The following SNX29 variants were observed in gnomAD, a reference collection of about 807,000 sequenced individuals.
The protein encoded by SNX29 is sorting nexin 29.
A neutral mutation model predicts 102.1 loss-of-function variants in SNX29; 78 were observed. The observed-to-expected ratio is 0.76, with a 90% CI of 0.64 to 0.92. The LOEUF (loss-of-function observed/expected upper bound fraction) is 0.92, where lower values mean the gene tolerates loss of function less well. Ranked by LOEUF, SNX29 falls within the 40% of genes least tolerant of loss-of-function variation. The pLI, the probability that SNX29 is intolerant of heterozygous loss-of-function variation, is 0.00. For missense variants in SNX29, 1,280 were observed against 1,061.7 expected (o/e 1.21, Z -2.86); for synonymous variants, 580 against 414.5 (o/e 1.40, Z -4.85).
chr16:12,253,545 C>T (rs963591326), intron 14 of SNX29, among the ~76,000 whole-genome samples: 9 of 152,070 alleles, frequency 5.9e-5, no homozygotes, highest in Admixed American at 2.6e-4. Context: ...AAGGCGTTGC[C>T]TGAGCACAGA....
intron 18 of SNX29, among the ~76,000 whole-genome samples, chr16:12,455,561 C>T: frequency 6.6e-6 from 1 of 152,238 alleles, no homozygotes; most frequent in East Asian, 1.9e-4. Flanking sequence ...ATCCCGGGAC[C>T]TACCTGTTTC....
chr16:12,484,899 G>A (rs574184116), intron 19 of SNX29, among the ~76,000 whole-genome samples: 1 of 152,274 alleles, frequency 6.6e-6, no homozygotes, highest in East Asian at 1.9e-4. Flanking sequence ...GCACCAGCAT[G>A]GAAGCTCATG....
At chr16:12,295,277 G>A (rs377075163) in intron 15 of SNX29, among the ~76,000 whole-genome samples, 1 of 152,162 alleles carries the variant, frequency 6.6e-6, no homozygotes, top group Non-Finnish European at 1.5e-5. Flanking sequence ...CGGGGTCACC[G>A]GTTCCCTTTA....
chr16:12,463,847 T>TGTGTGTGG (rs1222072331), intron 18 of SNX29, among the ~76,000 whole-genome samples: 280 of 149,792 alleles, frequency 1.9e-3, no homozygotes, highest in Non-Finnish European at 3.2e-3. Context: ...TGTGTGTGTG[T>TGTGTGTGG]GTGTGTGAGA....
chr16:12,061,096 C>T (rs867502396), intron 8 of SNX29, among the ~76,000 whole-genome samples: 1 of 152,198 alleles, frequency 6.6e-6, no homozygotes. Flanking sequence ...GTGGCTTGGG[C>T]TTCCTCCAGC....
At chr16:12,166,644 T>C (rs1246443318) in intron 13 of SNX29, among the ~76,000 whole-genome samples, 2 of 152,174 alleles carry the variant, frequency 1.3e-5, no homozygotes, top group Admixed American at 6.5e-5. Flanking sequence ...TGAATTGTTA[T>C]GTAGACACAG....
At chr16:12,135,631 C>T in intron 13 of SNX29, 1 of 1,341,086 alleles carries the variant, frequency 7.5e-7, no homozygotes, top group Non-Finnish European at 9.8e-7. Flanking sequence ...GAGAAATCAA[C>T]AGTTCCTGAT....
intron 3 of SNX29, among the ~76,000 whole-genome samples, chr16:12,010,703 A>G (rs2056619852): frequency 6.6e-6 from 1 of 151,964 alleles, no homozygotes; most frequent in East Asian, 1.9e-4. Context: ...ATAGGAGAGC[A>G]TTTCTTCTCC....
chr16:12,512,741 T>G (rs777857056), intron 19 of SNX29, among the ~76,000 whole-genome samples: 1 of 152,074 alleles, frequency 6.6e-6, no homozygotes, highest in Non-Finnish European at 1.5e-5. Context: ...TAGGTGCTGT[T>G]CACTTCTCCT....
At chr16:12,340,116 T>G (rs1437870765) in intron 15 of SNX29, among the ~76,000 whole-genome samples, 3 of 152,236 alleles carry the variant, frequency 2.0e-5, no homozygotes, top group African/African-American at 7.2e-5. Flanking sequence ...TGATCAGGTT[T>G]AGTTTCTTAG....
chr16:12,514,619 C>G (rs751625985), intron 19 of SNX29, among the ~76,000 whole-genome samples: 6 of 152,200 alleles, frequency 3.9e-5, no homozygotes, highest in Non-Finnish European at 5.9e-5. Flanking sequence ...GATCCCAGCA[C>G]TTTGGGAGGC....
intron 4 of SNX29, among the ~76,000 whole-genome samples, chr16:12,040,740 A>G (rs2049848154): frequency 6.6e-6 from 1 of 152,254 alleles, no homozygotes; most frequent in Non-Finnish European, 1.5e-5. Flanking sequence ...TAATAGGAAA[A>G]TGTTCATGCT....
chr16:12,465,167 G>T (rs1159542841), intron 18 of SNX29, among the ~76,000 whole-genome samples: 4 of 152,140 alleles, frequency 2.6e-5, no homozygotes, highest in Non-Finnish European at 4.4e-5. Context: ...CTTCTACTTT[G>T]TAGGTTCTTT....
chr16:12,552,991 G>A (rs1160619018), intron 20 of SNX29, among the ~76,000 whole-genome samples: 2 of 152,230 alleles, frequency 1.3e-5, no homozygotes, highest in East Asian at 1.9e-4. Context: ...ACTGTCTGAG[G>A]GGCTGAAATC....
At chr16:12,077,867 C>T (rs1192443416) in intron 10 of SNX29, among the ~76,000 whole-genome samples, 8 of 152,036 alleles carry the variant, frequency 5.3e-5, no homozygotes, top group Admixed American at 3.9e-4. Flanking sequence ...GTGATCCACC[C>T]GCCTCGGCCT....
At chr16:12,396,625 A>G (rs1464921686) in intron 16 of SNX29, among the ~76,000 whole-genome samples, 1 of 152,172 alleles carries the variant, frequency 6.6e-6, no homozygotes, top group Non-Finnish European at 1.5e-5. Context: ...TGAAAAGAGG[A>G]GAATGGGTGT....
At chr16:12,325,755 AG>A (rs2081093850) in intron 15 of SNX29, among the ~76,000 whole-genome samples, 1 of 152,064 alleles carries the variant, frequency 6.6e-6, no homozygotes, top group African/African-American at 2.4e-5. Context: ...GGCCAGGCAC[AG>A]GGGGTTATGC....
At chr16:12,027,275 A>G in intron 3 of SNX29, 45 bp from the exon 4 acceptor site, 1 of 1,608,174 alleles carries the variant, frequency 6.2e-7, no homozygotes, top group Non-Finnish European at 8.5e-7. Context: ...CCTAGTTGCT[A>G]CTCCCTTTTC....
At chr16:12,337,655 TGAA>T (rs2081492301) in intron 15 of SNX29, among the ~76,000 whole-genome samples, 1 of 152,184 alleles carries the variant, frequency 6.6e-6, no homozygotes, top group Admixed American at 6.5e-5. Flanking sequence ...TATCTCACTT[TGAA>T]GAAGAATACT....
Sources: gnomAD v4.1 joint callset for allele counts (sites outside exome capture counted in the v4.1 genomes callset) on GRCh38, gnomAD v4.1.1 for gene constraint, MANE v1.5 for transcripts, NCBI Gene and HGNC (gene_info 2026-07-23, HGNC 2026-07-21) for gene names.